Variants in PKIA observed in about 807,000 individuals in gnomAD.
The protein encoded by PKIA is cAMP-dependent protein kinase inhibitor alpha.
A neutral mutation model predicts 7.6 loss-of-function variants in PKIA; 4 were observed. That is an observed-to-expected ratio of 0.52 (90% confidence interval 0.26 to 1.20). PKIA has a LOEUF of 1.20. PKIA is among the 50% of genes most tolerant of loss of function. The probability of loss-of-function intolerance (pLI) is 0.13; values close to 1 mark genes in which losing one functional copy is unlikely to be tolerated. For synonymous variants in PKIA, 21 were observed against 30.7 expected, an observed-to-expected ratio of 0.68 and a Z score of 1.04; for missense variants, 73 against 86.2, an observed-to-expected ratio of 0.85 and a Z score of 0.61.
chr8:78,550,023 G>A (rs942395624), intron 1 of PKIA, among the ~76,000 whole-genome samples: 6 of 151,968 alleles, frequency 3.9e-5, no homozygotes, highest in South Asian at 2.1e-4. Flanking sequence ...GCAAAGATCC[G>A]TTTCTTCCTC....
intron 1 of PKIA, among the ~76,000 whole-genome samples, chr8:78,523,291 G>A (rs1809451569): frequency 6.6e-6 from 1 of 151,732 alleles, no homozygotes; most frequent in Non-Finnish European, 1.5e-5. Context: ...GATTGGGGTG[G>A]GGGGAATTAT....
intron 1 of PKIA, chr8:78,534,010 A>G (rs1286844226): frequency 6.6e-6 from 1 of 152,164 alleles, no homozygotes; most frequent in African/African-American, 2.4e-5. Context: ...ACTTTTACTT[A>G]AAACAAGCAA....
In PKIA at chr8:78,564,171, T is replaced by TA. The variant is rs984665202; in HGVS notation, c.-156-8631dup. Among the ~76,000 whole-genome samples, 72 of 149,986 alleles carry TA rather than the reference T, an allele frequency of 4.8e-4. 1 individual carries two copies. Among genetic ancestry groups the TA allele is most frequent in the African/African-American group, 1.1e-3 (45 of 40,902 alleles). ...TTGAGGAAAGTGGGGAAGCCTTATT[T>TA]AAAAAAAAAGAAAAAAGAAAAAAAA... On this transcript the variant is annotated intron_variant, in intron 1 of 3. Transcript: ENST00000396418.
chr8:78,571,506 CAG>C (rs1807547209), intron 1 of PKIA, among the ~76,000 whole-genome samples: 1 of 152,114 alleles, frequency 6.6e-6, no homozygotes, highest in Non-Finnish European at 1.5e-5. Flanking sequence ...CAATCCCTGA[CAG>C]AGGGGATTTG....
chr8:78,548,633 T>C (rs1485235484), intron 1 of PKIA, among the ~76,000 whole-genome samples: 1 of 152,106 alleles, frequency 6.6e-6, no homozygotes, highest in Non-Finnish European at 1.5e-5. Context: ...TGGTTTTCCT[T>C]AAGAACACTG....
intron 1 of PKIA, among the ~76,000 whole-genome samples, chr8:78,548,061 G>A (rs1806878933): frequency 6.6e-6 from 1 of 150,898 alleles, no homozygotes; most frequent in Non-Finnish European, 1.5e-5. Context: ...TAAATAGTAT[G>A]AAATAAGTTT....
In PKIA at chr8:78,544,134, T is replaced by A. The variant is rs547467761; in HGVS notation, c.-157+27666T>A. ...TTATTAAATGACACTTAAGGATTGC[T>A]ATGCTGTTATACAATGTAGATGTAT... On this transcript the variant is annotated intron_variant, in intron 1 of 3. Transcript: ENST00000396418. Among the ~76,000 whole-genome samples the A allele has an allele frequency of 3.0e-4, 46 of 152,334 alleles. 1 individual carries two copies. Among genetic ancestry groups the A allele is most frequent in the Non-Finnish European group, 5.6e-4 (38 of 68,038 alleles).
At chr8:78,564,219 G>C (rs1488076465) in intron 1 of PKIA, among the ~76,000 whole-genome samples, 1 of 151,960 alleles carries the variant, frequency 6.6e-6, no homozygotes, top group African/African-American at 2.4e-5. Flanking sequence ...AGTAGAATGA[G>C]AAAGAATTTA....
chr8:78,560,318 T>G (rs1221008467), intron 1 of PKIA, among the ~76,000 whole-genome samples: 1 of 152,202 alleles, frequency 6.6e-6, no homozygotes, highest in Non-Finnish European at 1.5e-5. Flanking sequence ...AATCATAAAA[T>G]GTAAATTAGG....
In PKIA at chr8:78,601,748, A is replaced by G; in HGVS notation, c.158A>G (p.Glu53Gly). ...TTTCGTTTTTCTTTTGCAGAAGGTG[A>G]AGAAGATGCACAACGAAGTTCTACA... ...AGLDINKTEG[E>G]EDAQRSSTEQ... Residue 53 changes from glutamate to glycine, a missense_variant, in exon 4 of 4, where the codon GAA becomes GGA. Glu to Gly is a moderately conservative substitution (Grantham distance 98, BLOSUM62 -2). Transcript: ENST00000396418. 1 of 1,611,424 alleles carries G rather than the reference A, an allele frequency of 6.2e-7. No individual in the cohort carries two copies. Among genetic ancestry groups the G allele is most frequent in the Non-Finnish European group, 8.5e-7 (1 of 1,178,324 alleles).
At chr8:78,577,123 T>C (rs951534548) in intron 2 of PKIA, among the ~76,000 whole-genome samples, 5 of 152,064 alleles carry the variant, frequency 3.3e-5, no homozygotes, top group African/African-American at 9.7e-5. Flanking sequence ...TTTTTAATTA[T>C]ACTTTAAGTT....
intron 1 of PKIA, among the ~76,000 whole-genome samples, chr8:78,538,414 T>C (rs10504675): frequency 0.24 from 36,672 of 151,884 alleles, 5,175 homozygotes; most frequent in African/African-American, 0.4. Flanking sequence ...ATGGCAATAC[T>C]TGTCTTGAAG....
intron 1 of PKIA, among the ~76,000 whole-genome samples, chr8:78,545,560 T>C (rs932054056): frequency 6.6e-6 from 1 of 152,224 alleles, no homozygotes; most frequent in African/African-American, 2.4e-5. Flanking sequence ...ATATTTTGTA[T>C]ACTAATTAGC....
chr8:78,585,272 CT>C (rs1807922640), intron 2 of PKIA, among the ~76,000 whole-genome samples: 1 of 151,854 alleles, frequency 6.6e-6, no homozygotes, highest in Admixed American at 6.6e-5. Context: ...TTGATACTTT[CT>C]TATTTACACT....
intron 1 of PKIA, among the ~76,000 whole-genome samples, chr8:78,524,935 A>G (rs1374024053): frequency 6.6e-6 from 1 of 151,938 alleles, no homozygotes; most frequent in African/African-American, 2.4e-5. Context: ...TTTATTTCTG[A>G]AAGCTACCCC....
At chr8:78,526,739 A>G (rs1806247084) in intron 1 of PKIA, among the ~76,000 whole-genome samples, 1 of 151,890 alleles carries the variant, frequency 6.6e-6, no homozygotes, top group Non-Finnish European at 1.5e-5. Flanking sequence ...GCTACTGATT[A>G]GATGTGATGA....
intron 3 of PKIA, 31 bp from the exon 4 acceptor site, chr8:78,601,711 C>T: frequency 2.0e-6 from 3 of 1,537,634 alleles, no homozygotes; most frequent in Non-Finnish European, 2.7e-6. Flanking sequence ...TTTTATTTTG[C>T]CTTTATTCTG....
chr8:78,585,800 A>C (rs1807937456), intron 2 of PKIA, among the ~76,000 whole-genome samples: 1 of 152,188 alleles, frequency 6.6e-6, no homozygotes, highest in Non-Finnish European at 1.5e-5. Context: ...CATGTGTATG[A>C]AATGTGTGTT....
chr8:78,597,429 C>T (rs983045798), intron 2 of PKIA, among the ~76,000 whole-genome samples: 7 of 152,068 alleles, frequency 4.6e-5, no homozygotes, highest in Admixed American at 6.6e-5. Flanking sequence ...GGACTGGAAG[C>T]GCTATTTGAT....
Sources: allele counts gnomAD v4.1 joint callset (sites outside exome capture counted in the v4.1 genomes callset), GRCh38; gene constraint gnomAD v4.1.1; transcripts MANE v1.5; gene names NCBI Gene and HGNC (gene_info 2026-07-23, HGNC 2026-07-21).